TNRC6B: variants seen among roughly 807,000 people sequenced by gnomAD.
The protein encoded by TNRC6B is trinucleotide repeat-containing gene 6B protein.
In TNRC6B, 52 loss-of-function variants were observed where a neutral mutation model predicts 203.6. The ratio of observed to expected loss-of-function variants is 0.26; its 90% CI spans 0.20 to 0.32. TNRC6B has a LOEUF of 0.32. TNRC6B is among the 10% of genes least tolerant of loss of function. The probability of loss-of-function intolerance (pLI) is 1.00; values close to 1 mark genes in which losing one functional copy is unlikely to be tolerated. For missense variants in TNRC6B, 1,923 were observed against 2,286.2 expected (o/e 0.84, Z 3.24); for synonymous variants, 838 against 845.7 (o/e 0.99, Z 0.16).
chr22:40,086,963 T>A (rs2068106308), intron 1 of TNRC6B, among the ~76,000 whole-genome samples: 1 of 152,176 alleles, frequency 6.6e-6, no homozygotes, highest in Non-Finnish European at 1.5e-5. Context: ...TAAGTCTTTT[T>A]TTTATCTCCA....
At chr22:40,271,403 T>TA (rs1397317874) in intron 6 of TNRC6B, among the ~76,000 whole-genome samples, 2 of 152,250 alleles carry the variant, frequency 1.3e-5, no homozygotes, top group Non-Finnish European at 2.9e-5. Context: ...TCAGTACTCT[T>TA]ACAGTGCCAC....
intron 1 of TNRC6B, among the ~76,000 whole-genome samples, chr22:40,233,598 G>C (rs543997192): frequency 6.6e-6 from 1 of 151,970 alleles, no homozygotes; most frequent in Admixed American, 6.6e-5. Context: ...CTCCAGCCTG[G>C]CAGCAGAGCA....
At chr22:40,277,940 C>T in intron 8 of TNRC6B, 59 bp from the exon 9 acceptor site, 1 of 1,357,140 alleles carries the variant, frequency 7.4e-7, no homozygotes. Flanking sequence ...AATAATGCCA[C>T]TTCTTTGATT....
intron 3 of TNRC6B, among the ~76,000 whole-genome samples, chr22:40,145,999 A>G (rs2068692348): frequency 6.6e-6 from 1 of 152,198 alleles, no homozygotes; most frequent in African/African-American, 2.4e-5. Context: ...GATCACTCAA[A>G]TTTAATAGTG....
intron 1 of TNRC6B, among the ~76,000 whole-genome samples, chr22:40,216,423 T>G (rs560211728): frequency 1.3e-3 from 192 of 152,314 alleles, no homozygotes; most frequent in African/African-American, 4.5e-3. Context: ...TTCTTGCTGC[T>G]GTGCCCCAGA....
chr22:40,220,937 G>A (rs1034590550), intron 1 of TNRC6B, among the ~76,000 whole-genome samples: 4 of 152,206 alleles, frequency 2.6e-5, no homozygotes, highest in African/African-American at 9.7e-5. Flanking sequence ...CCGGCATGTG[G>A]GGGAGAGCTA....
chr22:40,107,976 A>G (rs989661631), intron 1 of TNRC6B, among the ~76,000 whole-genome samples: 2 of 151,474 alleles, frequency 1.3e-5, no homozygotes, highest in African/African-American at 4.9e-5. Context: ...CAAGATGCAC[A>G]GGAACAGAAT....
At chr22:40,198,156 C>T (rs2069365241) in intron 1 of TNRC6B, among the ~76,000 whole-genome samples, 1 of 151,910 alleles carries the variant, frequency 6.6e-6, no homozygotes, top group Admixed American at 6.6e-5. Context: ...AGTACATGCC[C>T]AGTGATTTTA....
chr22:40,074,916 C>T, intron 1 of TNRC6B, among the ~76,000 whole-genome samples: 1 of 151,932 alleles, frequency 6.6e-6, no homozygotes, highest in Non-Finnish European at 1.5e-5. Flanking sequence ...CGTGGTTGTA[C>T]CACTGCACTC....
intron 3 of TNRC6B, among the ~76,000 whole-genome samples, chr22:40,151,545 A>G (rs1214544235): frequency 1.4e-5 from 1 of 68,992 alleles, no homozygotes; most frequent in African/African-American, 1.6e-4. Flanking sequence ...CTCAAAAAAA[A>G]AAAAAAAGAA....
chr22:40,087,900 T>G (rs1201127239), intron 1 of TNRC6B, among the ~76,000 whole-genome samples: 1 of 152,122 alleles, frequency 6.6e-6, no homozygotes, highest in African/African-American at 2.4e-5. Flanking sequence ...TGACCCAGAC[T>G]AGAGACCAGA....
chr22:40,069,139 G>A (rs190607121), intron 1 of TNRC6B, among the ~76,000 whole-genome samples: 88 of 152,050 alleles, frequency 5.8e-4, no homozygotes, highest in Middle Eastern at 3.4e-3. Context: ...TCGCTGTCTC[G>A]CCCAGGCTGT....
chr22:40,245,794 G>C (rs1458257512), intron 1 of TNRC6B, among the ~76,000 whole-genome samples: 4 of 152,088 alleles, frequency 2.6e-5, no homozygotes, highest in African/African-American at 9.7e-5. Flanking sequence ...TCTTTGAAAC[G>C]AAACTTAATG....
intron 1 of TNRC6B, among the ~76,000 whole-genome samples, chr22:40,210,362 G>A (rs775935479): frequency 7.2e-5 from 11 of 152,180 alleles, no homozygotes; most frequent in Admixed American, 2.0e-4. Context: ...CCAGGCATTG[G>A]CCCCCTCACT....
intron 1 of TNRC6B, among the ~76,000 whole-genome samples, chr22:40,095,706 T>C (rs1411354302): frequency 6.6e-6 from 1 of 150,636 alleles, no homozygotes; most frequent in Non-Finnish European, 1.5e-5. Context: ...TAGGCAATTA[T>C]CAGTTTTGCT....
At chr22:40,307,053 C>G (rs1299360681) in intron 15 of TNRC6B, among the ~76,000 whole-genome samples, 2 of 149,602 alleles carry the variant, frequency 1.3e-5, no homozygotes, top group Non-Finnish European at 3.0e-5. Context: ...CACCCCCACC[C>G]TCCACTCTCC....
intron 1 of TNRC6B, among the ~76,000 whole-genome samples, chr22:40,085,441 G>A (rs994734289): frequency 2.0e-5 from 3 of 152,158 alleles, no homozygotes; most frequent in Admixed American, 1.3e-4. Flanking sequence ...TGTTTCCTAA[G>A]CTTCTTTATC....
chr22:40,087,448 A>G (rs1236382400), intron 1 of TNRC6B, among the ~76,000 whole-genome samples: 1 of 152,348 alleles, frequency 6.6e-6, no homozygotes. Context: ...AAATGAGAAT[A>G]AAGAAATAAG....
chr22:40,323,309 C>CT lies in TNRC6B; in HGVS notation c.*68_*69insT. 4 of 1,452,378 alleles carry CT rather than the reference C, an allele frequency of 2.8e-6. No homozygotes were observed. The highest frequency in any genetic ancestry group is 3.6e-6 in the Non-Finnish European group (4 of 1,099,802). The allele number at this position is 1,452,378 out of a possible 1,614,324, so 90.0% of individuals were successfully genotyped here. On this transcript the variant is annotated 3_prime_UTR_variant, in exon 23 of 23. Transcript: ENST00000454349. Reference sequence around the variant, plus strand: ...AGCAGCAGCACTAACTTGACCTTTTCGTTTTTTTTTTCAACTTGCAATAAA... The same window carrying CT: ...AGCAGCAGCACTAACTTGACCTTTTCTGTTTTTTTTTTCAACTTGCAATAAA...
Sources: allele counts gnomAD v4.1 joint callset (sites outside exome capture counted in the v4.1 genomes callset), GRCh38; gene constraint gnomAD v4.1.1; transcripts MANE v1.5; gene names NCBI Gene and HGNC (gene_info 2026-07-23, HGNC 2026-07-21).